DSTYK: variants seen among roughly 807,000 people sequenced by gnomAD.
DSTYK encodes the protein RIP-homologous kinase.
In DSTYK, 34 loss-of-function variants were observed where a neutral mutation model predicts 98.7. That is an observed-to-expected ratio of 0.34 (90% CI 0.26 to 0.46). The LOEUF is 0.46. DSTYK is among the 20% of genes least tolerant of loss of function. The pLI, the probability that DSTYK is intolerant of heterozygous loss-of-function variation, is 1.00. For synonymous variants in DSTYK, 462 were observed against 457.3 expected, an observed-to-expected ratio of 1.01 and a Z score of -0.13; for missense variants, 962 against 1,181.7, an observed-to-expected ratio of 0.81 and a Z score of 2.73.
At position 205,211,493 on chromosome 1, in the gene DSTYK, C is replaced by T. The variant is rs200741404; in HGVS notation, c.43G>A (p.Gly15Ser). 4 of 1,579,190 alleles carry T rather than the reference C, an allele frequency of 2.5e-6. No individual in the cohort carries two copies. Among genetic ancestry groups the T allele is most frequent in the Non-Finnish European group, 2.6e-6 (3 of 1,167,420 alleles). ...GVPWGSEPVSGPGPGGGGMIR... is the reference protein window; with the variant it reads ...GVPWGSEPVSSPGPGGGGMIR... The stretch of plus-strand genomic sequence containing the variant: ...ATTCCGCCGCCGCCGGGGCCGGGAC[C>T]CGAGACGGGCTCGCTGCCCCATGGC... The change falls in exon 1 of 13, where the codon GGT becomes AGT. Residue 15 changes from glycine to serine, a missense_variant. Coordinates refer to ENST00000367162, the MANE Select transcript of DSTYK (RefSeq NM_015375.3).
intron 10 of DSTYK, among the ~76,000 whole-genome samples, chr1:205,156,258 C>T (rs948359667): frequency 2.0e-5 from 3 of 152,072 alleles, no homozygotes; most frequent in Admixed American, 6.5e-5. Flanking sequence ...AAGAAGGCCA[C>T]TGTCTTCTAG....
At chr1:205,176,609 T>C (rs954531272) in intron 2 of DSTYK, among the ~76,000 whole-genome samples, 5 of 151,978 alleles carry the variant, frequency 3.3e-5, no homozygotes, top group African/African-American at 9.7e-5. Flanking sequence ...ATTTTATTTA[T>C]TTTTAAATTT....
rs1050135676 is a variant in DSTYK, at chr1:205,161,898, A to G, written c.1818+138T>C. 11 of 693,262 alleles carry G rather than the reference A, an allele frequency of 1.6e-5. No individual in the cohort carries two copies. The East Asian group carries it at 2.0e-4, about 13-fold the overall frequency. 42.9% of individuals were successfully genotyped at this position (693,262 alleles called of 1,614,324 possible). A position where few individuals can be genotyped will look rare whatever the true frequency, so the allele number is the denominator to read the frequency against. On this transcript the variant is annotated intron_variant, in intron 6 of 12. Transcript: ENST00000367162. ...TTAATATACATATGTGTGTGTGTGT[A>G]TATATATGTGTATATATATGTATAC... is the stretch of plus-strand genomic sequence containing the variant.
chr1:205,169,493 T>G lies in DSTYK; in HGVS notation c.994A>C (p.Met332Leu). 6.2e-7 allele frequency: 1 copy of G among 1,614,128 alleles called. No homozygotes were observed. Among genetic ancestry groups the G allele is most frequent in the Non-Finnish European group, 8.5e-7 (1 of 1,180,016 alleles). Residue 332 changes from methionine to leucine, a missense_variant, in exon 3 of 13, where the codon ATG becomes CTG. Physicochemically the swap from Met to Leu is conservative, Grantham distance 15 (BLOSUM62 2). This residue lies in a region of DSTYK where 660 missense variants were observed against 855.0 expected (regional missense o/e 0.77). Coordinates refer to ENST00000367162, the MANE Select transcript of DSTYK (RefSeq NM_015375.3). The surrounding 1 kb of genome is among the most constrained non-coding windows in gnomAD (Gnocchi z 4.0). ...APGQDTKAQS[M>L]LVEQSEKLRH... ...AGCTTTTCACTCTGTTCCACCAACA[T>G]GCTCTGAGCTTTAGTATCCTGGCCA...
chr1:205,178,098 T>C (rs186660911), intron 2 of DSTYK, among the ~76,000 whole-genome samples: 2 of 152,138 alleles, frequency 1.3e-5, no homozygotes, highest in African/African-American at 4.8e-5. Context: ...AGGCCAGATA[T>C]AAGACTTAGA....
At chr1:205,200,885 G>A (rs1659011775) in intron 1 of DSTYK, among the ~76,000 whole-genome samples, 1 of 152,080 alleles carries the variant, frequency 6.6e-6, no homozygotes, top group African/African-American at 2.4e-5. Context: ...GCACAACAGG[G>A]TGACTATAGT....
At chr1:205,205,999 C>A (rs997247455) in intron 1 of DSTYK, among the ~76,000 whole-genome samples, 23 of 152,154 alleles carry the variant, frequency 1.5e-4, no homozygotes, top group African/African-American at 5.6e-4. Context: ...TTAGATTATA[C>A]CTTTCTAGAG....
At chr1:205,181,698 G>GTGTGTGTGT (rs1553364733) in intron 2 of DSTYK, among the ~76,000 whole-genome samples, 2 of 146,702 alleles carry the variant, frequency 1.4e-5, no homozygotes, top group African/African-American at 2.5e-5. Context: ...GTGTGTGTGT[G>GTGTGTGTGT]GCGGGGCAGG....
intron 1 of DSTYK, among the ~76,000 whole-genome samples, chr1:205,201,697 A>C (rs1659046148): frequency 6.6e-6 from 1 of 152,210 alleles, no homozygotes; most frequent in Non-Finnish European, 1.5e-5. Context: ...AATGAGTAAA[A>C]CATACTCTTT....
chr1:205,185,152 G>T (rs1658526492), intron 2 of DSTYK, among the ~76,000 whole-genome samples: 1 of 152,086 alleles, frequency 6.6e-6, no homozygotes, highest in South Asian at 2.1e-4. Context: ...AGTGAGCCAA[G>T]ACTGCGCTAC....
At chr1:205,168,580 G>A (rs1289453572) in intron 3 of DSTYK, among the ~76,000 whole-genome samples, 5 of 152,172 alleles carry the variant, frequency 3.3e-5, no homozygotes, top group Non-Finnish European at 7.3e-5. Context: ...CTTGCATGGA[G>A]GTTTATACAG....
At chr1:205,202,306 T>C (rs1659067326) in intron 1 of DSTYK, 1 of 672,576 alleles carries the variant, frequency 1.5e-6, no homozygotes, top group Non-Finnish European at 2.8e-6. Flanking sequence ...ATCAAGGGTA[T>C]GCATATACGA....
At chr1:205,184,195 G>T (rs916654134) in intron 2 of DSTYK, among the ~76,000 whole-genome samples, 1 of 151,878 alleles carries the variant, frequency 6.6e-6, no homozygotes, top group Non-Finnish European at 1.5e-5. Context: ...CGCTTGGGGG[G>T]ATGGCTCATA....
At chr1:205,208,033 AT>A (rs565996663) in intron 1 of DSTYK, among the ~76,000 whole-genome samples, 118 of 151,880 alleles carry the variant, frequency 7.8e-4, no homozygotes, top group African/African-American at 2.7e-3. Flanking sequence ...ATGTGCCACC[AT>A]GCCCAGCTAA....
chr1:205,211,639 C>G lies in DSTYK; in HGVS notation c.-104G>C. The G allele has an allele frequency of 4.4e-6, 6 of 1,374,254 alleles. No individual in the cohort carries two copies. The highest frequency in any genetic ancestry group is 5.7e-6 in the Non-Finnish European group (6 of 1,061,626). 85.1% of individuals were successfully genotyped at this position (1,374,254 alleles called of 1,614,324 possible). On this transcript the variant is annotated 5_prime_UTR_variant, in exon 1 of 13. Transcript: ENST00000367162. ...AAGGGAGGAGGAATCCGCCTCCTGA[C>G]GCCCCCGCCTGCAGTCAGCCTGGCT...
At chr1:205,160,788 G>A (rs1269950460) in intron 7 of DSTYK, among the ~76,000 whole-genome samples, 2 of 145,292 alleles carry the variant, frequency 1.4e-5, no homozygotes, top group Admixed American at 6.8e-5. Context: ...GTTTTTTGTT[G>A]TTTTTTTTTT....
chr1:205,197,285 T>C (rs1658896461), intron 1 of DSTYK, among the ~76,000 whole-genome samples: 1 of 152,072 alleles, frequency 6.6e-6, no homozygotes, highest in African/African-American at 2.4e-5. Flanking sequence ...TTGGGAGGAA[T>C]GCATACTGGA....
intron 2 of DSTYK, among the ~76,000 whole-genome samples, chr1:205,172,437 C>CT (rs796796068): frequency 1.2e-4 from 18 of 149,800 alleles, no homozygotes; most frequent in African/African-American, 4.4e-4. Context: ...GTAGCTGATA[C>CT]TACAGGTGTG....
Position 205,163,758 on chromosome 1 carries a change from C to T in DSTYK, c.1522G>A (p.Val508Ile). 1.9e-6 allele frequency: 3 copies of T among 1,614,134 alleles called. No individual in the cohort carries two copies. Among genetic ancestry groups the T allele is most frequent in the African/African-American group, 2.7e-5 (2 of 75,056 alleles). The change falls in exon 4 of 13, where the codon GTC (valine) becomes ATC (isoleucine). Residue 508 changes from valine (V) to isoleucine (I), a missense_variant. This residue lies in a region of DSTYK where 660 missense variants were observed against 855.0 expected (regional missense o/e 0.77). Transcript: ENST00000367162. The stretch of plus-strand genomic sequence containing the variant: ...TAATTACTGGTGATGTGAACTGAGA[C>T]ATCCTGAGACTTCTCCAGGCTCTGC... ...CLQSLEKSQD[V>I]SVHITSNYLK...
Sources: allele counts gnomAD v4.1 joint callset (sites outside exome capture counted in the v4.1 genomes callset), GRCh38; gene constraint gnomAD v4.1.1; regional missense constraint gnomAD v4.1.1; non-coding constraint Gnocchi (gnomAD v3.1); transcripts MANE v1.5; gene names NCBI Gene and HGNC (gene_info 2026-07-23, HGNC 2026-07-21).